NHERF1: variants seen among roughly 807,000 people sequenced by gnomAD.
NHERF1 encodes the protein NHERF family PDZ scaffold protein 1.
At chr17:74,756,389 G>A in the NHERF1 span, among the ~76,000 whole-genome samples, 1 of 142,258 alleles carries the variant, frequency 7.0e-6, no homozygotes, top group African/African-American at 2.6e-5. Flanking sequence ...AGCGGTTCTC[G>A]TGCCTCAGCC....
At chr17:74,769,311 A>G in the NHERF1 span, 1 of 152,282 alleles carries the variant, frequency 6.6e-6, no homozygotes, top group African/African-American at 2.4e-5. Flanking sequence ...AGGTACCACC[A>G]TTGTAAGGAA....
At chr17:74,754,322 G>C in the NHERF1 span, among the ~76,000 whole-genome samples, 1 of 151,536 alleles carries the variant, frequency 6.6e-6, no homozygotes. Context: ...AAACAGGTTT[G>C]TACAGTGCCT....
chr17:74,761,223 C>T, the NHERF1 span, among the ~76,000 whole-genome samples: 7 of 152,158 alleles, frequency 4.6e-5, no homozygotes, highest in African/African-American at 1.4e-4. This position sits in a 1 kb window ranked among gnomAD's most constrained non-coding sequence, Gnocchi z 4.3. Flanking sequence ...TCCCTTTAGC[C>T]CAGCCCTGCT....
the NHERF1 span, among the ~76,000 whole-genome samples, chr17:74,764,680 T>C: frequency 8.5e-5 from 13 of 152,308 alleles, no homozygotes; most frequent in South Asian, 2.7e-3. The surrounding 1 kb of genome is among the most constrained non-coding windows in gnomAD (Gnocchi z 4.9). Context: ...CTCCCTCTTC[T>C]GCCTGTCTCT....
At chr17:74,765,448 T>C in the NHERF1 span, among the ~76,000 whole-genome samples, 2 of 151,750 alleles carry the variant, frequency 1.3e-5, no homozygotes, top group Non-Finnish European at 2.9e-5. Flanking sequence ...TTAGTAGAGA[T>C]GGGGTTTCAC....
chr17:74,763,841 C>T, the NHERF1 span, among the ~76,000 whole-genome samples: 1 of 152,234 alleles, frequency 6.6e-6, no homozygotes. Flanking sequence ...CCTGTCCCCA[C>T]CAGCAGACTT....
the NHERF1 span, chr17:74,769,008 T>C: frequency 8.2e-4 from 300 of 364,652 alleles, 2 homozygotes; most frequent in Non-Finnish European, 1.1e-3. Flanking sequence ...ATGTGATAAA[T>C]GGGTCCAGGG....
the NHERF1 span, chr17:74,762,209 C>T: frequency 1.2e-6 from 2 of 1,610,382 alleles, no homozygotes. This position sits in a 1 kb window ranked among gnomAD's most constrained non-coding sequence, Gnocchi z 4.2. Flanking sequence ...CTGACTGCCC[C>T]CACCCCCTGC....
At chr17:74,762,004 C>T in the NHERF1 span, 3 of 1,613,778 alleles carry the variant, frequency 1.9e-6, no homozygotes, top group South Asian at 1.1e-5. The surrounding 1 kb of genome is among the most constrained non-coding windows in gnomAD (Gnocchi z 4.2). Context: ...CCTCCCCTGT[C>T]CCTGCAGCGC....
chr17:74,761,424 T>C, the NHERF1 span, among the ~76,000 whole-genome samples: 1 of 152,234 alleles, frequency 6.6e-6, no homozygotes, highest in African/African-American at 2.4e-5. The surrounding 1 kb of genome is among the most constrained non-coding windows in gnomAD (Gnocchi z 4.3). Context: ...TGGCTCCCTT[T>C]TGGCTGGGCC....
chr17:74,763,770 T>C, the NHERF1 span, among the ~76,000 whole-genome samples: 6 of 152,168 alleles, frequency 3.9e-5, no homozygotes, highest in South Asian at 2.1e-4. Flanking sequence ...GTGAGAGAGA[T>C]GGACAGATCT....
At chr17:74,766,780 A>C in the NHERF1 span, among the ~76,000 whole-genome samples, 1 of 152,170 alleles carries the variant, frequency 6.6e-6, no homozygotes, top group African/African-American at 2.4e-5. Context: ...TAAATAAATA[A>C]GGCAAATGTA....
At chr17:74,765,360 A>G in the NHERF1 span, among the ~76,000 whole-genome samples, 1 of 151,634 alleles carries the variant, frequency 6.6e-6, no homozygotes, top group African/African-American at 2.4e-5. Flanking sequence ...CCTAGATTCA[A>G]GTGATTCTTC....
chr17:74,750,224 G>A, the NHERF1 span, among the ~76,000 whole-genome samples: 4 of 152,320 alleles, frequency 2.6e-5, no homozygotes, highest in East Asian at 7.7e-4. Context: ...TTGCCCATGG[G>A]ATCCCAGTTT....
the NHERF1 span, among the ~76,000 whole-genome samples, chr17:74,755,797 A>C: frequency 3.9e-5 from 6 of 152,316 alleles, no homozygotes; most frequent in Middle Eastern, 3.4e-3. Flanking sequence ...GTCCACATGC[A>C]GACGTGCTGT....
the NHERF1 span, chr17:74,761,900 T>C: frequency 8.7e-7 from 1 of 1,155,526 alleles, no homozygotes; most frequent in Non-Finnish European, 1.3e-6. The surrounding 1 kb of genome is among the most constrained non-coding windows in gnomAD (Gnocchi z 4.3). Flanking sequence ...TCTAGGCAAA[T>C]TTGCATCCTC....
chr17:74,764,898 C>G, the NHERF1 span, among the ~76,000 whole-genome samples: 1 of 152,200 alleles, frequency 6.6e-6, no homozygotes, highest in Non-Finnish European at 1.5e-5. This position sits in a 1 kb window ranked among gnomAD's most constrained non-coding sequence, Gnocchi z 4.9. Flanking sequence ...AGCAGCCTGT[C>G]CTTGCCCGGG....
chr17:74,768,440 A>C, the NHERF1 span: 1 of 1,613,158 alleles, frequency 6.2e-7, no homozygotes, highest in Non-Finnish European at 8.5e-7. Flanking sequence ...ACTGACTCCC[A>C]ACTTCCTGCC....
At chr17:74,762,767 A>G in the NHERF1 span, among the ~76,000 whole-genome samples, 1 of 152,190 alleles carries the variant, frequency 6.6e-6, no homozygotes, top group Admixed American at 6.5e-5. The surrounding 1 kb of genome is among the most constrained non-coding windows in gnomAD (Gnocchi z 4.2). Flanking sequence ...CATGTTGGCC[A>G]GGCTGGTCTC....
Sources: allele counts gnomAD v4.1 joint callset (sites outside exome capture counted in the v4.1 genomes callset), GRCh38; gene constraint gnomAD v4.1.1; non-coding constraint Gnocchi (gnomAD v3.1); transcripts MANE v1.5; gene names NCBI Gene and HGNC (gene_info 2026-07-23, HGNC 2026-07-21).